RMND5A: variants seen among roughly 807,000 people sequenced by gnomAD.
The protein encoded by RMND5A is E3 ubiquitin-protein transferase RMND5A.
RMND5A carries 17 observed loss-of-function variants against 49.7 expected under a neutral mutation model. The observed-to-expected ratio is 0.34, with a 90% confidence interval of 0.23 to 0.51. RMND5A has a LOEUF of 0.51. Ranked by LOEUF, RMND5A falls within the 20% of genes least tolerant of loss-of-function variation. The pLI is 0.96. For missense variants in RMND5A, 255 were observed against 471.3 expected, an observed-to-expected ratio of 0.54 and a Z score of 4.25; for synonymous variants, 156 against 167.7, an observed-to-expected ratio of 0.93 and a Z score of 0.54.
At chr2:86,765,622 G>A (rs1672577243) in intron 5 of RMND5A, 1 of 478,856 alleles carries the variant, frequency 2.1e-6, no homozygotes, top group Non-Finnish European at 3.7e-6. Flanking sequence ...ATTATACTAT[G>A]CTGTAGAGAA....
At chr2:86,771,411 C>A (rs756909439) in intron 7 of RMND5A, 147 bp from the exon 8 acceptor site, 1 of 579,120 alleles carries the variant, frequency 1.7e-6, no homozygotes, top group Non-Finnish European at 2.9e-6. Context: ...CTAAGACTGT[C>A]CATCTGAGTT....
At chr2:86,756,656 A>G (rs946499084) in intron 4 of RMND5A, among the ~76,000 whole-genome samples, 2 of 152,218 alleles carry the variant, frequency 1.3e-5, no homozygotes, top group Admixed American at 1.3e-4. Flanking sequence ...AGGTACAGAA[A>G]ATTCCCTTTA....
At chr2:86,744,522 G>C (rs1236788357) in intron 2 of RMND5A, among the ~76,000 whole-genome samples, 1 of 152,206 alleles carries the variant, frequency 6.6e-6, no homozygotes, top group Non-Finnish European at 1.5e-5. Context: ...TCCTGTATGA[G>C]CAGGCTGGTT....
intron 6 of RMND5A, among the ~76,000 whole-genome samples, chr2:86,767,921 A>G (rs1476425600): frequency 6.6e-6 from 1 of 152,252 alleles, no homozygotes; most frequent in African/African-American, 2.4e-5. Context: ...AGAACGTATC[A>G]CAATAGATTT....
intron 6 of RMND5A, among the ~76,000 whole-genome samples, chr2:86,769,678 G>GTT (rs540877612): frequency 6.2e-5 from 9 of 146,060 alleles, no homozygotes; most frequent in African/African-American, 1.7e-4. Context: ...TAGCAGATGA[G>GTT]TTTTTTTTTT....
intron 3 of RMND5A, 103 bp downstream of exon 3, chr2:86,752,133 A>G (rs1265170764): frequency 8.8e-6 from 9 of 1,018,444 alleles, no homozygotes; most frequent in African/African-American, 1.6e-5. Flanking sequence ...CTAGCTATAG[A>G]TAGATTTTTA....
chr2:86,758,694 A>T (rs868613817), intron 4 of RMND5A, among the ~76,000 whole-genome samples: 1 of 152,244 alleles, frequency 6.6e-6, no homozygotes, highest in Non-Finnish European at 1.5e-5. Context: ...ACAGAGACTC[A>T]CACCAACTCT....
rs1277557554 is a variant in RMND5A at position 86,720,598 on chromosome 2, C to T, written c.-70C>T. The T allele has an allele frequency of 1.5e-6, 2 of 1,333,096 alleles. No homozygotes were observed. Among genetic ancestry groups the T allele is most frequent in the African/African-American group, 1.6e-5 (1 of 63,266 alleles). The allele number at this position is 1,333,096 out of a possible 1,614,324, so 82.6% of individuals were successfully genotyped here. On this transcript the variant is annotated 5_prime_UTR_variant, in exon 1 of 9. Transcript: ENST00000283632. ...TGGGGAACGAGGAGCAGGACGCGGC[C>T]TCGGTGGGGCCCGGGCCGAACGGCT...
intron 4 of RMND5A, among the ~76,000 whole-genome samples, chr2:86,762,736 C>G (rs1015118969): frequency 1.3e-4 from 9 of 71,724 alleles, no homozygotes; most frequent in South Asian, 4.6e-4. Flanking sequence ...TCATATATAT[C>G]ATATATATAT....
rs1672569292 is a variant in RMND5A, at chr2:86,765,143, C to T, written c.638C>T (p.Ala213Val). The change falls in exon 5 of 9, where the codon GCA becomes GTA. Residue 213 changes from alanine (A) to valine (V), a missense_variant. This residue lies in a region of RMND5A where 208 missense variants were observed against 339.8 expected (regional missense o/e 0.61). Coordinates refer to ENST00000283632, the MANE Select transcript of RMND5A (RefSeq NM_022780.4). The part of the protein sequence containing the change: ...LMGGTTNQRE[A>V]LQYAKNFQPF... ...GGTGGAACCACAAATCAGCGAGAGG[C>T]ATTACAATATGCTAAAAATTTTCAG... 6.2e-7 allele frequency: 1 copy of T among 1,613,818 alleles called. No homozygotes were observed. The highest frequency in any genetic ancestry group is 1.1e-5 in the South Asian group (1 of 91,064).
In RMND5A at chr2:86,720,573, TGGGGAA is replaced by T. The variant is rs1681181654; in HGVS notation, c.-94_-89del. ...GCCTCAGCCTCCCGCGCCGCCCGCT[TGGGGAA>T]CGAGGAGCAGGACGCGGCCTCGGTG... On this transcript the variant is annotated 5_prime_UTR_variant, in exon 1 of 9. Transcript: ENST00000283632. 8.8e-7 allele frequency: 1 copy of T among 1,133,228 alleles called. No individual in the cohort carries two copies. The highest frequency in any genetic ancestry group is 1.1e-6 in the Non-Finnish European group (1 of 900,586). The allele number at this position is 1,133,228 out of a possible 1,614,324, so 70.2% of individuals were successfully genotyped here. A position where few individuals can be genotyped will look rare whatever the true frequency, so the allele number is the denominator to read the frequency against.
chr2:86,773,475 C>A lies in RMND5A; in HGVS notation c.*64C>A. ...ATCGTGGGTGCATTTCAGAAGAGAA[C>A]GTTCCATATAATGCAGCTAACCAAG... On this transcript the variant is annotated 3_prime_UTR_variant, in exon 9 of 9. Coordinates refer to ENST00000283632, the MANE Select transcript of RMND5A (RefSeq NM_022780.4). 1 of 1,059,262 alleles carries A rather than the reference C, an allele frequency of 9.4e-7. No individual in the cohort carries two copies. The highest frequency in any genetic ancestry group is 1.5e-6 in the Non-Finnish European group (1 of 679,184). 65.6% of individuals were successfully genotyped at this position (1,059,262 alleles called of 1,614,324 possible). A position where few individuals can be genotyped will look rare whatever the true frequency, so the allele number is the denominator to read the frequency against.
intron 4 of RMND5A, among the ~76,000 whole-genome samples, chr2:86,764,408 G>A (rs890383139): frequency 1.3e-5 from 2 of 152,114 alleles, no homozygotes; most frequent in African/African-American, 2.4e-5. Context: ...ATAGAAGCCC[G>A]AGGGGCTGTA....
chr2:86,770,001 G>A (rs774974591), intron 6 of RMND5A, 22 bp from the exon 7 acceptor site: 10 of 1,597,860 alleles, frequency 6.3e-6, no homozygotes, highest in South Asian at 4.4e-5. Flanking sequence ...TGGCACTGAC[G>A]TTTCCTCTTC....
At chr2:86,756,366 C>T (rs962671426) in intron 4 of RMND5A, among the ~76,000 whole-genome samples, 2 of 152,056 alleles carry the variant, frequency 1.3e-5, no homozygotes, top group South Asian at 2.1e-4. Flanking sequence ...ACTCCAGAGC[C>T]GAATCCTGTC....
chr2:86,735,222 T>C (rs2104387342), intron 1 of RMND5A, among the ~76,000 whole-genome samples: 1 of 148,286 alleles, frequency 6.7e-6, no homozygotes, highest in Non-Finnish European at 1.5e-5. Flanking sequence ...TGTTGTTCTT[T>C]TGGGTATATA....
intron 2 of RMND5A, among the ~76,000 whole-genome samples, chr2:86,744,876 G>A (rs767853109): frequency 2.5e-4 from 38 of 152,056 alleles, no homozygotes; most frequent in Non-Finnish European, 1.3e-4. Context: ...TCATTTTTGC[G>A]TAGAGATGTG....
Position 86,766,139 on chromosome 2 carries a change from G to A in RMND5A, c.854+115G>A, listed in dbSNP as rs1278186121. ...ATAACTTTTGTCTTTCCAAAGAAGAGTGCAATTGGTATTTCAAAAGATATC... is the reference window on the plus strand; with the variant it reads ...ATAACTTTTGTCTTTCCAAAGAAGAATGCAATTGGTATTTCAAAAGATATC... On this transcript the variant is annotated intron_variant, in intron 6 of 8. Coordinates refer to ENST00000283632, the MANE Select transcript of RMND5A (RefSeq NM_022780.4). 4.5e-6 allele frequency: 4 copies of A among 894,672 alleles called. No homozygotes were observed. The African/African-American group carries it at 5.0e-5, about 11-fold the overall frequency. The allele number at this position is 894,672 out of a possible 1,614,324, so 55.4% of individuals were successfully genotyped here. A position where few individuals can be genotyped will look rare whatever the true frequency, so the allele number is the denominator to read the frequency against.
intron 4 of RMND5A, among the ~76,000 whole-genome samples, chr2:86,761,651 C>T (rs1439705269): frequency 6.6e-6 from 1 of 152,118 alleles, no homozygotes; most frequent in East Asian, 1.9e-4. Flanking sequence ...TAAATGAGGA[C>T]AGTATTGTTT....
Sources: allele counts gnomAD v4.1 joint callset (sites outside exome capture counted in the v4.1 genomes callset), GRCh38; gene constraint gnomAD v4.1.1; regional missense constraint gnomAD v4.1.1; transcripts MANE v1.5; gene names NCBI Gene and HGNC (gene_info 2026-07-23, HGNC 2026-07-21).